Variants in ADARB1 observed in about 807,000 individuals in gnomAD.
ADARB1 encodes the protein double-stranded RNA-specific editase 1.
Under a neutral mutation model 52.4 loss-of-function variants are expected in ADARB1, and 10 were observed. The observed-to-expected ratio is 0.19, with a 90% confidence interval of 0.12 to 0.32. The LOEUF (loss-of-function observed/expected upper bound fraction) is 0.32, where lower values mean the gene tolerates loss of function less well. Ranked by LOEUF, ADARB1 falls within the 10% of genes least tolerant of loss-of-function variation. The pLI is 1.00. For missense variants in ADARB1, 643 were observed against 922.3 expected (o/e 0.70, Z 3.92); for synonymous variants, 349 against 371.1 (o/e 0.94, Z 0.68).
At chr21:45,183,669 C>G (rs2092003632) in intron 7 of ADARB1, among the ~76,000 whole-genome samples, 159 bp downstream of exon 7, 1 of 151,896 alleles carries the variant, frequency 6.6e-6, no homozygotes, top group Non-Finnish European at 1.5e-5. Context: ...TTTTTTCTTT[C>G]CAATTAACTT....
chr21:45,134,101 G>A (rs560973148), intron 2 of ADARB1, among the ~76,000 whole-genome samples: 34 of 124,172 alleles, frequency 2.7e-4, no homozygotes, highest in African/African-American at 1.1e-3. Context: ...ACAGTGGTGT[G>A]TGCCCGACAG....
intron 1 of ADARB1, among the ~76,000 whole-genome samples, chr21:45,109,465 C>T (rs978046439): frequency 3.9e-5 from 6 of 152,190 alleles, no homozygotes; most frequent in Admixed American, 2.0e-4. Flanking sequence ...ATGGCTTGGT[C>T]AACAGGTGGA....
chr21:45,166,368 A>T (rs1337747122), intron 2 of ADARB1, among the ~76,000 whole-genome samples: 2 of 152,222 alleles, frequency 1.3e-5, no homozygotes, highest in East Asian at 3.8e-4. Flanking sequence ...ACGGTGAGGG[A>T]ACGGCCTTGT....
chr21:45,156,657 A>G (rs1352724230), intron 2 of ADARB1, among the ~76,000 whole-genome samples: 2 of 151,836 alleles, frequency 1.3e-5, no homozygotes, highest in Non-Finnish European at 2.9e-5. Flanking sequence ...TCATCCATTC[A>G]TCCATCCACC....
At chr21:45,205,148 C>G (rs2092642519) in intron 9 of ADARB1, among the ~76,000 whole-genome samples, 1 of 152,098 alleles carries the variant, frequency 6.6e-6, no homozygotes, top group Non-Finnish European at 1.5e-5. Flanking sequence ...GTGGTCCCAG[C>G]TACTTGGGAG....
chr21:45,170,980 T>G (rs1033047670), intron 2 of ADARB1, among the ~76,000 whole-genome samples: 1 of 152,240 alleles, frequency 6.6e-6, no homozygotes, highest in African/African-American at 2.4e-5. Context: ...CACTTTAGTT[T>G]TGTCTGCATA....
chr21:45,111,534 A>G (rs1396854654), intron 1 of ADARB1, among the ~76,000 whole-genome samples: 2 of 152,180 alleles, frequency 1.3e-5, no homozygotes, highest in Non-Finnish European at 2.9e-5. Flanking sequence ...GGGTTTGTAC[A>G]CATTTATGAC....
chr21:45,093,420 T>C (rs2086635796), intron 1 of ADARB1, among the ~76,000 whole-genome samples: 1 of 152,240 alleles, frequency 6.6e-6, no homozygotes, highest in South Asian at 2.1e-4. Context: ...GGCCTCTGCC[T>C]GACGTCCTTG....
intron 8 of ADARB1, among the ~76,000 whole-genome samples, chr21:45,201,995 A>C (rs1010443688): frequency 2.0e-5 from 3 of 152,152 alleles, no homozygotes; most frequent in Non-Finnish European, 4.4e-5. Flanking sequence ...GGGTGGCCAG[A>C]AGCTTGGGGA....
chr21:45,106,871 C>G (rs2087282292), intron 1 of ADARB1, among the ~76,000 whole-genome samples: 1 of 151,944 alleles, frequency 6.6e-6, no homozygotes, highest in Non-Finnish European at 1.5e-5. Context: ...AGAGGCTGCA[C>G]AAAGCACAGA....
At chr21:45,114,523 G>A (rs192294971) in intron 1 of ADARB1, among the ~76,000 whole-genome samples, 3 of 152,328 alleles carry the variant, frequency 2.0e-5, no homozygotes, top group East Asian at 1.9e-4. Context: ...TAGGCTGAAT[G>A]TGTTTTTAAA....
Position 45,172,988 on chromosome 21 carries a change from A to G in ADARB1, c.28+1304A>G, listed in dbSNP as rs926262050. On this transcript the variant is annotated intron_variant, in intron 3 of 10. Transcript: ENST00000348831. This position sits in a 1 kb window ranked among gnomAD's most constrained non-coding sequence, Gnocchi z 4.4. Reference sequence around the variant, plus strand: ...CATACTCCTCATTTGAGAAAATGTGACCTGTGCTTGGCCCGTGCAGTAGCC... The same window carrying G: ...CATACTCCTCATTTGAGAAAATGTGGCCTGTGCTTGGCCCGTGCAGTAGCC... Among the ~76,000 whole-genome samples, 3 of 152,168 alleles carry G rather than the reference A, an allele frequency of 2.0e-5. No homozygotes were observed. Among genetic ancestry groups the G allele is most frequent in the Non-Finnish European group, 4.4e-5 (3 of 68,016 alleles).
At position 45,190,202 on chromosome 21, in the gene ADARB1, T is replaced by G. The variant is rs563330361; in HGVS notation, c.1565+5111T>G. On this transcript the variant is annotated intron_variant, in intron 8 of 10. Transcript: ENST00000348831. ...AAAAAGACAGTGACCTGTCTTCTTT[T>G]TTCCACCTCATCAAGTCTTCTGTTG... 2.6e-5 allele frequency among the ~76,000 whole-genome samples: 4 copies of G among 152,298 alleles called. No homozygotes were observed. In the South Asian group the frequency reaches 8.3e-4, roughly 32 times the overall value.
rs369945814 is a variant in ADARB1, at chr21:45,200,230, G to A, written c.1566-4325G>A. Among the ~76,000 whole-genome samples, 7 of 152,278 alleles carry A rather than the reference G, an allele frequency of 4.6e-5. No individual in the cohort carries two copies. Among genetic ancestry groups the A allele is most frequent in the African/African-American group, 1.7e-4 (7 of 41,560 alleles). ...CAGGGCCATGGTAGGTTGGGGGTGG[G>A]GTGGGAGCCACAGCACTGCCATTGG... On this transcript the variant is annotated intron_variant, in intron 8 of 10. Coordinates refer to ENST00000348831, the MANE Select transcript of ADARB1 (RefSeq NM_001112.4). This position sits in a 1 kb window ranked among gnomAD's most constrained non-coding sequence, Gnocchi z 5.0.
At chr21:45,210,805 C>G (rs1265942399) in intron 9 of ADARB1, among the ~76,000 whole-genome samples, 4 of 152,254 alleles carry the variant, frequency 2.6e-5, no homozygotes, top group African/African-American at 4.8e-5. Context: ...TGGGGCTCCC[C>G]CAGGAGCTGC....
At chr21:45,143,371 G>T (rs1276260434) in intron 2 of ADARB1, among the ~76,000 whole-genome samples, 2 of 152,182 alleles carry the variant, frequency 1.3e-5, no homozygotes, top group Non-Finnish European at 2.9e-5. Flanking sequence ...TCCCATCTCA[G>T]CAGCTCCTTC....
At chr21:45,175,638 A>G (rs2091661208) in intron 3 of ADARB1, 92 bp from the exon 4 acceptor site, 11 of 1,251,604 alleles carry the variant, frequency 8.8e-6, no homozygotes, top group Non-Finnish European at 1.2e-5. Flanking sequence ...TCACTTAACC[A>G]GTTACAAAGA....
intron 9 of ADARB1, among the ~76,000 whole-genome samples, chr21:45,211,177 G>A (rs1000020823): frequency 6.6e-6 from 1 of 152,194 alleles, no homozygotes; most frequent in Non-Finnish European, 1.5e-5. Context: ...TGCTCTGTAC[G>A]GATTCTAATG....
At chr21:45,191,880 A>ATAT (rs1601874792) in intron 8 of ADARB1, among the ~76,000 whole-genome samples, 2 of 15,738 alleles carry the variant, frequency 1.3e-4, no homozygotes, top group Non-Finnish European at 1.5e-4. Context: ...ATATATATAT[A>ATAT]TTTTTTTTTT....
Sources: gnomAD v4.1 joint callset for allele counts (sites outside exome capture counted in the v4.1 genomes callset) on GRCh38, gnomAD v4.1.1 for gene constraint, Gnocchi (gnomAD v3.1) non-coding constraint, MANE v1.5 for transcripts, NCBI Gene and HGNC (gene_info 2026-07-23, HGNC 2026-07-21) for gene names.